Variants in PRH1 observed in about 807,000 individuals in gnomAD.
PRH1 encodes the protein salivary acidic proline-rich phosphoprotein 1/2.
A neutral mutation model predicts 7.9 loss-of-function variants in PRH1; 7 were observed. The observed-to-expected ratio is 0.89, with a 90% CI of 0.50 to 1.67. The LOEUF (loss-of-function observed/expected upper bound fraction) is 1.67. Among genes scored for constraint, PRH1 ranks in the 40% most tolerant of loss-of-function variants. PRH1 has a pLI of 0.00. For missense variants in PRH1, 109 were observed against 223.6 expected (o/e 0.49, Z 3.27); for synonymous variants, 45 against 80.8 (o/e 0.56, Z 2.38).
chr12:11,109,217 G>A (rs1316594259), intron 1 of PRH1, among the ~76,000 whole-genome samples: 1 of 152,176 alleles, frequency 6.6e-6, no homozygotes, highest in Non-Finnish European at 1.5e-5. Context: ...AGAGCACCTG[G>A]GAGAAGGGGC....
intron 2 of PRH1, among the ~76,000 whole-genome samples, chr12:10,905,502 C>G (rs553772945): frequency 2.0e-5 from 3 of 152,154 alleles, no homozygotes; most frequent in Non-Finnish European, 4.4e-5. Flanking sequence ...TCTGTCTCTA[C>G]TAAAAATACA....
intron 1 of PRH1, among the ~76,000 whole-genome samples, chr12:11,000,909 C>T (rs1436599501): frequency 2.0e-5 from 3 of 151,952 alleles, no homozygotes; most frequent in African/African-American, 4.8e-5. Context: ...ATTTTGTTCT[C>T]CTTCTATAAA....
chr12:10,897,861 AAT>A (rs1390140303), intron 2 of PRH1, among the ~76,000 whole-genome samples: 1 of 152,192 alleles, frequency 6.6e-6, no homozygotes, highest in Non-Finnish European at 1.5e-5. Flanking sequence ...GTTACAATTC[AAT>A]ATGAGATTTG....
intron 2 of PRH1, among the ~76,000 whole-genome samples, chr12:10,937,204 TTCTCTC>T (rs61659284): frequency 0.039 from 5,697 of 146,712 alleles, 329 homozygotes; most frequent in African/African-American, 0.13. Context: ...GCAATTTTAT[TTCTCTC>T]TCTCTCTCTC....
intron 1 of PRH1, among the ~76,000 whole-genome samples, chr12:10,993,673 T>G (rs1940056400): frequency 1.3e-5 from 2 of 152,244 alleles, no homozygotes; most frequent in Admixed American, 6.5e-5. Context: ...TTGAGGATAC[T>G]GCTCTGATTC....
intron 1 of PRH1, among the ~76,000 whole-genome samples, chr12:11,157,524 T>C (rs1947289468): frequency 6.6e-6 from 1 of 152,234 alleles, no homozygotes; most frequent in Non-Finnish European, 1.5e-5. Flanking sequence ...AAATGGTTTA[T>C]TGACTTTATC....
At chr12:11,062,245 A>C (rs749632607) in intron 1 of PRH1, 1 of 1,613,202 alleles carries the variant, frequency 6.2e-7, no homozygotes. Flanking sequence ...TCCAATCACA[A>C]ATGTAACCAC....
chr12:10,989,934 G>A (rs914154597), intron 1 of PRH1, among the ~76,000 whole-genome samples: 1 of 151,974 alleles, frequency 6.6e-6, no homozygotes, highest in Admixed American at 6.6e-5. Flanking sequence ...ATATCCTGTG[G>A]CATTTGTTTT....
chr12:11,096,378 T>A (rs527552755), intron 1 of PRH1, among the ~76,000 whole-genome samples: 1 of 116,184 alleles, frequency 8.6e-6, no homozygotes, highest in Non-Finnish European at 2.0e-5. Context: ...TGTCTTATTG[T>A]TTTAGAGGTA....
chr12:11,139,766 T>A (rs1336477174), intron 1 of PRH1, among the ~76,000 whole-genome samples: 3 of 152,182 alleles, frequency 2.0e-5, no homozygotes, highest in Admixed American at 2.0e-4. Context: ...TGTATTCGGA[T>A]AAGAGTGTAA....
chr12:11,073,195 C>A (rs375022143), intron 1 of PRH1, among the ~76,000 whole-genome samples: 4,405 of 50,600 alleles, frequency 0.087, 374 homozygotes, highest in Middle Eastern at 0.13. Context: ...GCACTGGTGC[C>A]ATCTCGGCTC....
chr12:10,934,572 A>T (rs939255054), intron 2 of PRH1, among the ~76,000 whole-genome samples: 3 of 152,076 alleles, frequency 2.0e-5, no homozygotes, highest in African/African-American at 7.2e-5. Context: ...TATCACATGT[A>T]CCTGTTATAC....
rs747042594 is a variant in PRH1, at chr12:11,022,206, C to T, written c.-126+24814G>A. The T allele has an allele frequency of 1.1e-5, 17 of 1,614,100 alleles. No individual in the cohort carries two copies. In the South Asian group the frequency reaches 1.8e-4, roughly 17 times the overall value. On this transcript the variant is annotated intron_variant, in intron 1 of 3. Coordinates refer to the PRH1 transcript ENST00000539853. ...CCAGAACAACACTCTTAATTCTCTT[C>T]TTTAGGTGGAGAGAAATAAGGTTGG... is the stretch of plus-strand genomic sequence containing the variant.
chr12:10,967,112 C>T (rs113992977), intron 2 of PRH1, among the ~76,000 whole-genome samples: 1 of 60,686 alleles, frequency 1.6e-5, no homozygotes, highest in African/African-American at 4.2e-5. Context: ...AAGACTCCGT[C>T]TCAAAAAAAA....
chr12:11,077,333 G>T, intron 1 of PRH1: 1 of 321,380 alleles, frequency 3.1e-6, no homozygotes, highest in Non-Finnish European at 6.1e-6. Flanking sequence ...GAGGGTTGCT[G>T]TCCTTTCACT....
At chr12:11,091,800 G>T in intron 1 of PRH1, 1 of 1,499,430 alleles carries the variant, frequency 6.7e-7, no homozygotes, top group Non-Finnish European at 9.3e-7. Context: ...ATCACAAAAA[G>T]ATGACAAGCC....
chr12:11,134,044 A>G (rs540166693), intron 1 of PRH1: 1 of 1,614,140 alleles, frequency 6.2e-7, no homozygotes, highest in South Asian at 1.1e-5. Flanking sequence ...ACTGAGTTGC[A>G]TACCAATGTA....
chr12:10,926,373 G>A (rs548966018), intron 2 of PRH1, among the ~76,000 whole-genome samples: 2 of 152,290 alleles, frequency 1.3e-5, no homozygotes, highest in African/African-American at 2.4e-5. Flanking sequence ...CTAGAGCAAG[G>A]TGAAGTTGAA....
chr12:11,077,834 A>T lies in PRH1; in HGVS notation n.124-30646T>A. On this transcript the variant is annotated intron_variant and non_coding_transcript_variant, in intron 1 of 4. Transcript: ENST00000541977. ...GCAAGATTACAAATCAAAAATACCA[A>T]GGGACCCAACAGTATCACCAGAACA... is the stretch of plus-strand genomic sequence containing the variant. 5 of 1,045,562 alleles carry T rather than the reference A, an allele frequency of 4.8e-6. 2 individuals are homozygous for T. Among genetic ancestry groups the T allele is most frequent in the Non-Finnish European group, 7.4e-6 (5 of 673,222 alleles). 64.8% of individuals were successfully genotyped at this position (1,045,562 alleles called of 1,614,324 possible). A position where few individuals can be genotyped will look rare whatever the true frequency, so the allele number is the denominator to read the frequency against.
Sources: gnomAD v4.1 joint callset for allele counts (sites outside exome capture counted in the v4.1 genomes callset) on GRCh38, gnomAD v4.1.1 for gene constraint, MANE v1.5 for transcripts, NCBI Gene and HGNC (gene_info 2026-07-23, HGNC 2026-07-21) for gene names.